Variants in ERBB4 observed in about 807,000 individuals in gnomAD.
ERBB4 encodes receptor tyrosine-protein kinase erbB-4.
ERBB4 carries 42 observed loss-of-function variants against 158.0 expected under a neutral mutation model. That is an observed-to-expected ratio of 0.27 (90% CI 0.21 to 0.34). ERBB4 has a LOEUF of 0.34. ERBB4 is among the 10% of genes least tolerant of loss of function. The pLI, the probability that ERBB4 is intolerant of heterozygous loss-of-function variation, is 1.00. For synonymous variants in ERBB4, 583 were observed against 558.7 expected, an observed-to-expected ratio of 1.04 and a Z score of -0.61; for missense variants, 1,333 against 1,624.1, an observed-to-expected ratio of 0.82 and a Z score of 3.08.
chr2:211,564,239 A>G (rs558416848), intron 19 of ERBB4, among the ~76,000 whole-genome samples: 97 of 152,210 alleles, frequency 6.4e-4, no homozygotes, highest in Non-Finnish European at 1.3e-3. Flanking sequence ...CCAATAATGT[A>G]TAACACCAAA....
At chr2:212,159,468 T>A (rs1031280970) in intron 1 of ERBB4, among the ~76,000 whole-genome samples, 21 of 151,988 alleles carry the variant, frequency 1.4e-4, no homozygotes, top group Non-Finnish European at 2.9e-4. Context: ...GATTTACATA[T>A]GTATTACTTA....
At chr2:212,358,549 T>G (rs1337473237) in intron 1 of ERBB4, among the ~76,000 whole-genome samples, 1 of 151,800 alleles carries the variant, frequency 6.6e-6, no homozygotes, top group Admixed American at 6.6e-5. Context: ...AGCTAATTTA[T>G]AATTGGAGTT....
chr2:212,247,021 C>A (rs1198017398), intron 1 of ERBB4, among the ~76,000 whole-genome samples: 1 of 152,080 alleles, frequency 6.6e-6, no homozygotes, highest in East Asian at 1.9e-4. Context: ...ATTCAAAAAT[C>A]ATGTTGATTA....
intron 5 of ERBB4, among the ~76,000 whole-genome samples, chr2:211,741,505 G>C (rs2074796845): frequency 6.7e-6 from 1 of 149,434 alleles, no homozygotes; most frequent in Admixed American, 6.7e-5. Context: ...AGATGATAGA[G>C]AGAGAGAGAG....
At chr2:212,097,915 C>T (rs529458751) in intron 2 of ERBB4, among the ~76,000 whole-genome samples, 1 of 152,266 alleles carries the variant, frequency 6.6e-6, no homozygotes, top group Non-Finnish European at 1.5e-5. Flanking sequence ...ATAGACAACA[C>T]TTTCTGGGGT....
chr2:211,832,941 T>C (rs932395467), intron 3 of ERBB4, among the ~76,000 whole-genome samples: 1 of 151,648 alleles, frequency 6.6e-6, no homozygotes, highest in Non-Finnish European at 1.5e-5. Context: ...AATTCTTGTG[T>C]TCAAATTTCA....
At chr2:211,925,858 C>T (rs1318558420) in intron 3 of ERBB4, among the ~76,000 whole-genome samples, 1 of 151,554 alleles carries the variant, frequency 6.6e-6, no homozygotes, top group African/African-American at 2.4e-5. Context: ...TGTTTTGTGT[C>T]TAGAGTGCAA....
intron 3 of ERBB4, among the ~76,000 whole-genome samples, chr2:211,896,772 T>G (rs2079108416): frequency 6.6e-6 from 1 of 152,124 alleles, no homozygotes; most frequent in East Asian, 1.9e-4. Flanking sequence ...CATGCCACAT[T>G]AGGTCAAAAG....
chr2:211,438,815 C>T (rs2063910958), intron 20 of ERBB4, among the ~76,000 whole-genome samples: 2 of 152,054 alleles, frequency 1.3e-5, no homozygotes, highest in Non-Finnish European at 2.9e-5. Flanking sequence ...TCTCACACTT[C>T]CAACTGCAGT....
intron 3 of ERBB4, among the ~76,000 whole-genome samples, chr2:211,825,255 A>C (rs1411352362): frequency 6.6e-6 from 1 of 151,900 alleles, no homozygotes; most frequent in South Asian, 2.1e-4. Context: ...AATGATAATA[A>C]GTAGTTAACG....
chr2:212,410,706 AAT>A (rs1240454093), intron 1 of ERBB4, among the ~76,000 whole-genome samples: 1 of 152,064 alleles, frequency 6.6e-6, no homozygotes, highest in African/African-American at 2.4e-5. Flanking sequence ...ATGAAATATA[AAT>A]ATGTATTATA....
intron 19 of ERBB4, among the ~76,000 whole-genome samples, chr2:211,575,327 C>T (rs1032811880): frequency 1.3e-5 from 2 of 152,146 alleles, no homozygotes; most frequent in African/African-American, 4.8e-5. Flanking sequence ...ATGAGCCCAA[C>T]TTATCCTCAA....
chr2:211,664,039 T>C (rs1348842876), intron 15 of ERBB4, among the ~76,000 whole-genome samples: 1 of 152,176 alleles, frequency 6.6e-6, no homozygotes, highest in Non-Finnish European at 1.5e-5. Context: ...TGTGAACCAA[T>C]GAATTGGCAA....
chr2:211,959,427 C>T (rs1034959619), intron 2 of ERBB4, among the ~76,000 whole-genome samples: 3 of 152,008 alleles, frequency 2.0e-5, no homozygotes, highest in Admixed American at 6.6e-5. Flanking sequence ...ATGCATTGAA[C>T]ATCTAATCTT....
At chr2:211,819,737 G>A (rs1017099925) in intron 3 of ERBB4, among the ~76,000 whole-genome samples, 1 of 151,744 alleles carries the variant, frequency 6.6e-6, no homozygotes, top group African/African-American at 2.4e-5. Flanking sequence ...AAGATTTTTG[G>A]AAGCAATGCT....
chr2:211,847,462 T>C (rs977665135), intron 3 of ERBB4, among the ~76,000 whole-genome samples: 9 of 152,118 alleles, frequency 5.9e-5, no homozygotes, highest in Admixed American at 2.0e-4. Flanking sequence ...AGGTTTCAAA[T>C]GGCCCAATGC....
At chr2:211,433,294 G>A (rs979210280) in intron 20 of ERBB4, among the ~76,000 whole-genome samples, 1 of 152,120 alleles carries the variant, frequency 6.6e-6, no homozygotes, top group Non-Finnish European at 1.5e-5. Context: ...TTAAAAAGGG[G>A]AGTGAGGCCG....
intron 1 of ERBB4, among the ~76,000 whole-genome samples, chr2:212,428,767 G>A (rs1375738511): frequency 2.6e-5 from 4 of 152,060 alleles, no homozygotes; most frequent in Non-Finnish European, 1.5e-5. Context: ...ATGGTTTTGG[G>A]TTGAGCCCAT....
At position 211,561,918 on chromosome 2, in the gene ERBB4, A is replaced by C. The variant is rs539848241; in HGVS notation, c.2472T>G (p.Cys824Trp). The C allele has an allele frequency of 1.2e-6, 2 of 1,614,014 alleles. No individual in the cohort carries two copies. Among genetic ancestry groups the C allele is most frequent in the East Asian group, 4.5e-5 (2 of 44,874 alleles). ...NIGSQLLLNW[C>W]VQIAKGMMYL... is the part of the protein sequence containing the mutation. ...AGGCACTTACCTTAGCTATCTGGAC[A>C]CACCAGTTAAGCAGCAGTTGTGATC... Residue 824 changes from cysteine (C) to tryptophan (W), a missense_variant, in exon 20 of 28, where the codon TGT becomes TGG. Around this residue, in one of 5 missense-constraint regions of ERBB4, gnomAD observed 314 missense variants for 437.6 expected, o/e 0.72. Transcript: ENST00000342788.
Sources: allele counts gnomAD v4.1 joint callset (sites outside exome capture counted in the v4.1 genomes callset), GRCh38; gene constraint gnomAD v4.1.1; regional missense constraint gnomAD v4.1.1; transcripts MANE v1.5; gene names NCBI Gene and HGNC (gene_info 2026-07-23, HGNC 2026-07-21).